ZNF385D: variants seen among roughly 807,000 people sequenced by gnomAD.
ZNF385D encodes the protein zinc finger protein 659.
In ZNF385D, 15 loss-of-function variants were observed where a neutral mutation model predicts 35.8. That is an observed-to-expected ratio of 0.42 (90% CI 0.28 to 0.64). The LOEUF (loss-of-function observed/expected upper bound fraction) is 0.64, where lower values mean the gene tolerates loss of function less well. Ranked by LOEUF, ZNF385D falls within the 30% of genes least tolerant of loss-of-function variation. The pLI is 0.23. For synonymous variants in ZNF385D, 212 were observed against 186.8 expected, an observed-to-expected ratio of 1.13 and a Z score of -1.10; for missense variants, 474 against 494.6, an observed-to-expected ratio of 0.96 and a Z score of 0.39.
intron 1 of ZNF385D, among the ~76,000 whole-genome samples, chr3:21,668,315 A>G (rs2125273325): frequency 6.6e-6 from 1 of 152,272 alleles, no homozygotes; most frequent in Non-Finnish European, 1.5e-5. Context: ...CTTGCCTCAA[A>G]GCAGGAAAAC....
intron 3 of ZNF385D, among the ~76,000 whole-genome samples, chr3:21,933,907 T>C (rs1024686752): frequency 4.6e-5 from 7 of 151,246 alleles, no homozygotes; most frequent in African/African-American, 1.5e-4. Context: ...GCCAGGAACA[T>C]TGGATCAGAT....
intron 3 of ZNF385D, among the ~76,000 whole-genome samples, chr3:22,165,156 T>C (rs1376657788): frequency 6.6e-6 from 1 of 152,156 alleles, no homozygotes; most frequent in Non-Finnish European, 1.5e-5. Context: ...AACTATAGAC[T>C]TTGGGTGATA....
intron 3 of ZNF385D, among the ~76,000 whole-genome samples, chr3:21,997,607 AAGAG>A (rs1313883999): frequency 5.3e-5 from 8 of 151,860 alleles, no homozygotes; most frequent in East Asian, 1.9e-4. Flanking sequence ...AATGGAGGAA[AAGAG>A]AGAGAGAGTG....
At chr3:21,851,115 A>C (rs961449482) in intron 3 of ZNF385D, among the ~76,000 whole-genome samples, 2 of 152,046 alleles carry the variant, frequency 1.3e-5, no homozygotes, top group Non-Finnish European at 2.9e-5. Flanking sequence ...GAAAACATAA[A>C]AACAATGAAA....
chr3:22,304,746 T>A (rs1703110909), intron 2 of ZNF385D, among the ~76,000 whole-genome samples: 1 of 152,150 alleles, frequency 6.6e-6, no homozygotes, highest in Non-Finnish European at 1.5e-5. Flanking sequence ...GTTGAATATT[T>A]CTTAAATTCT....
intron 2 of ZNF385D, among the ~76,000 whole-genome samples, chr3:22,238,526 A>G (rs927743916): frequency 4.0e-5 from 6 of 150,902 alleles, no homozygotes; most frequent in African/African-American, 1.2e-4. Flanking sequence ...CAAGTTTTAC[A>G]CTTATTTTGT....
intron 3 of ZNF385D, among the ~76,000 whole-genome samples, chr3:21,812,854 C>G (rs1223655462): frequency 2.6e-5 from 4 of 152,142 alleles, no homozygotes; most frequent in Non-Finnish European, 4.4e-5. Context: ...AGTAGTTCTC[C>G]CAGCATGGAG....
chr3:22,282,766 T>G (rs191596146), intron 2 of ZNF385D, among the ~76,000 whole-genome samples: 31 of 151,962 alleles, frequency 2.0e-4, no homozygotes, highest in Non-Finnish European at 5.9e-5. Flanking sequence ...ACCTATAAAA[T>G]TATAACACAA....
At chr3:21,941,725 C>T (rs1701531807) in intron 3 of ZNF385D, among the ~76,000 whole-genome samples, 1 of 151,892 alleles carries the variant, frequency 6.6e-6, no homozygotes, top group East Asian at 1.9e-4. Context: ...TCTCGATCTC[C>T]TGACCTCGTG....
intron 4 of ZNF385D, among the ~76,000 whole-genome samples, chr3:21,447,261 C>T (rs1033314739): frequency 6.6e-6 from 1 of 151,986 alleles, no homozygotes; most frequent in East Asian, 1.9e-4. Flanking sequence ...CAATTTACTC[C>T]GAAGGCATTT....
intron 3 of ZNF385D, among the ~76,000 whole-genome samples, chr3:21,819,655 TTA>T (rs1174569261): frequency 1.4e-5 from 2 of 147,044 alleles, no homozygotes; most frequent in Non-Finnish European, 3.0e-5. Flanking sequence ...TATTATATAT[TTA>T]TGTGTATTAA....
chr3:21,990,385 T>C (rs1175923245), intron 3 of ZNF385D, among the ~76,000 whole-genome samples: 5 of 152,226 alleles, frequency 3.3e-5, no homozygotes, highest in Non-Finnish European at 5.9e-5. Context: ...ATTTTCTATC[T>C]TACCAGGCTA....
intron 3 of ZNF385D, among the ~76,000 whole-genome samples, chr3:21,877,331 G>T (rs775216491): frequency 6.6e-6 from 1 of 152,104 alleles, no homozygotes; most frequent in Non-Finnish European, 1.5e-5. Context: ...CAGTGGCCTG[G>T]AATTTTGATC....
intron 2 of ZNF385D, among the ~76,000 whole-genome samples, chr3:22,360,659 C>T (rs1696369417): frequency 6.6e-6 from 1 of 151,888 alleles, no homozygotes; most frequent in Non-Finnish European, 1.5e-5. Flanking sequence ...GGAACGAATA[C>T]CAAGTCCTCA....
chr3:22,247,020 T>A (rs1222013992), intron 2 of ZNF385D, among the ~76,000 whole-genome samples: 1 of 152,132 alleles, frequency 6.6e-6, no homozygotes, highest in African/African-American at 2.4e-5. Context: ...CACAAACAAC[T>A]TCATTTATAC....
At chr3:21,575,304 T>C (rs915833095) in intron 2 of ZNF385D, among the ~76,000 whole-genome samples, 6 of 152,004 alleles carry the variant, frequency 3.9e-5, no homozygotes, top group African/African-American at 1.2e-4. Context: ...TTAATGGAGG[T>C]ACACAAAAAG....
Position 21,776,051 on chromosome 3 carries a change from A to T in ZNF385D, c.326-111023T>A, listed in dbSNP as rs1575629696. 2.0e-5 allele frequency among the ~76,000 whole-genome samples: 3 copies of T among 151,652 alleles called. No individual in the cohort carries two copies. In the South Asian group the frequency reaches 6.2e-4, roughly 31 times the overall value. On this transcript the variant is annotated intron_variant, in intron 3 of 5. Transcript: ENST00000494108. ...TTTATAGTATTTCTTTGTATTTCAA[A>T]TTTTTTGTATATTATACAATCAAAA...
intron 4 of ZNF385D, among the ~76,000 whole-genome samples, chr3:21,508,873 G>T (rs903141925): frequency 6.6e-6 from 1 of 151,842 alleles, no homozygotes; most frequent in Non-Finnish European, 1.5e-5. Flanking sequence ...CTGACCCTTT[G>T]GATTATTCTA....
At chr3:22,230,915 TAC>T (rs1425569439) in intron 2 of ZNF385D, among the ~76,000 whole-genome samples, 1 of 152,130 alleles carries the variant, frequency 6.6e-6, no homozygotes, top group South Asian at 2.1e-4. Context: ...ATGAAAATTC[TAC>T]AGTTTCAGGG....
Sources: gnomAD v4.1 joint callset for allele counts (sites outside exome capture counted in the v4.1 genomes callset) on GRCh38, gnomAD v4.1.1 for gene constraint, MANE v1.5 for transcripts, NCBI Gene and HGNC (gene_info 2026-07-23, HGNC 2026-07-21) for gene names.